The following ENOX1 variants were observed in gnomAD, a reference collection of about 807,000 sequenced individuals.
ENOX1 encodes ecto-NOX disulfide-thiol exchanger 1, also known as candidate growth-related and time keeping constitutive hydroquinone (NADH) oxidase.
A neutral mutation model predicts 82.5 loss-of-function variants in ENOX1; 42 were observed. That is an observed-to-expected ratio of 0.51 (90% CI 0.40 to 0.66). The LOEUF (loss-of-function observed/expected upper bound fraction) is 0.66. Among genes scored for constraint, ENOX1 ranks in the 30% least tolerant of loss-of-function variants. The probability of loss-of-function intolerance (pLI) is 0.00; values close to 1 mark genes in which losing one functional copy is unlikely to be tolerated. For missense variants in ENOX1, 608 were observed against 811.6 expected (o/e 0.75, Z 3.05); for synonymous variants, 271 against 282.2 (o/e 0.96, Z 0.40).
intron 5 of ENOX1, among the ~76,000 whole-genome samples, chr13:43,387,040 AT>A (rs1000753123): frequency 2.0e-5 from 3 of 152,118 alleles, no homozygotes; most frequent in African/African-American, 4.8e-5. Flanking sequence ...TTATTGAAAT[AT>A]TTTTTCCCCC....
At chr13:43,418,133 C>T (rs1030940911) in intron 3 of ENOX1, among the ~76,000 whole-genome samples, 3 of 150,720 alleles carry the variant, frequency 2.0e-5, no homozygotes, top group African/African-American at 4.9e-5. Context: ...TGCTTGAACC[C>T]GGGAGGCAGA....
chr13:43,282,201 T>C (rs540933582), intron 12 of ENOX1, among the ~76,000 whole-genome samples: 1 of 152,186 alleles, frequency 6.6e-6, no homozygotes, highest in Non-Finnish European at 1.5e-5. Flanking sequence ...TTTTCAAATG[T>C]TGAACTTACC....
intron 14 of ENOX1, 28 bp downstream of exon 14, chr13:43,265,370 G>A: frequency 6.3e-7 from 1 of 1,599,966 alleles, no homozygotes; most frequent in Non-Finnish European, 8.5e-7. Context: ...CAAGCAAGAA[G>A]AACAAATACC....
At chr13:43,716,184 G>A (rs1477495817) in intron 1 of ENOX1, among the ~76,000 whole-genome samples, 1 of 152,112 alleles carries the variant, frequency 6.6e-6, no homozygotes, top group Non-Finnish European at 1.5e-5. Flanking sequence ...CCCCATCTTT[G>A]TGGTTTTATC....
chr13:43,674,221 G>C (rs1274841563), intron 1 of ENOX1, among the ~76,000 whole-genome samples: 1 of 152,174 alleles, frequency 6.6e-6, no homozygotes, highest in African/African-American at 2.4e-5. Flanking sequence ...TAGGTACTGG[G>C]AGTACAAGCC....
chr13:43,700,271 A>G (rs1220429585), intron 1 of ENOX1, among the ~76,000 whole-genome samples: 1 of 152,192 alleles, frequency 6.6e-6, no homozygotes, highest in African/African-American at 2.4e-5. Context: ...TCAAGAAGAG[A>G]TAAATGGAAT....
intron 1 of ENOX1, among the ~76,000 whole-genome samples, chr13:43,770,406 T>C (rs1594753338): frequency 1.3e-5 from 2 of 152,266 alleles, no homozygotes; most frequent in East Asian, 1.9e-4. Flanking sequence ...AAATAGACAA[T>C]TATAAAGAAA....
intron 2 of ENOX1, among the ~76,000 whole-genome samples, chr13:43,663,026 A>G (rs2084809944): frequency 3.9e-5 from 6 of 152,212 alleles, no homozygotes; most frequent in African/African-American, 1.4e-4. Flanking sequence ...GAGCAAAGTA[A>G]CCAATTCTGT....
intron 2 of ENOX1, among the ~76,000 whole-genome samples, chr13:43,657,989 A>G (rs56051341): frequency 0.08 from 12,170 of 152,270 alleles, 639 homozygotes; most frequent in East Asian, 0.27. Context: ...AGAATATGAA[A>G]CGGTGGTGAA....
At chr13:43,589,263 G>C (rs774459559) in intron 2 of ENOX1, among the ~76,000 whole-genome samples, 2 of 146,772 alleles carry the variant, frequency 1.4e-5, no homozygotes, top group Non-Finnish European at 1.5e-5. Context: ...AGAAAGTAGT[G>C]CTGTTAAGTC....
At chr13:43,410,655 T>C (rs1209370298) in intron 5 of ENOX1, among the ~76,000 whole-genome samples, 1 of 146,140 alleles carries the variant, frequency 6.8e-6, no homozygotes, top group Non-Finnish European at 1.5e-5. Flanking sequence ...CACACACATA[T>C]TACTACAGTT....
chr13:43,592,035 G>A (rs1042063077), intron 2 of ENOX1, among the ~76,000 whole-genome samples: 2 of 151,866 alleles, frequency 1.3e-5, no homozygotes, highest in African/African-American at 2.4e-5. Context: ...GCATCCCAGA[G>A]CCCCTCTAGA....
intron 1 of ENOX1, among the ~76,000 whole-genome samples, chr13:43,736,837 T>C (rs996558176): frequency 3.3e-5 from 5 of 152,162 alleles, no homozygotes; most frequent in South Asian, 2.1e-4. Context: ...AAAACACATT[T>C]AGGTTCAAGG....
At chr13:43,274,101 T>C (rs1200448856) in intron 12 of ENOX1, among the ~76,000 whole-genome samples, 2 of 152,228 alleles carry the variant, frequency 1.3e-5, no homozygotes, top group Non-Finnish European at 2.9e-5. Flanking sequence ...TCTAAACATA[T>C]GGATACATAA....
chr13:43,273,407 C>T (rs908341525), intron 12 of ENOX1, among the ~76,000 whole-genome samples: 2 of 152,140 alleles, frequency 1.3e-5, no homozygotes, highest in Non-Finnish European at 2.9e-5. Context: ...TGTTAATTCT[C>T]TAACCCCTAT....
At chr13:43,607,532 C>A (rs1162370508) in intron 2 of ENOX1, among the ~76,000 whole-genome samples, 4 of 152,104 alleles carry the variant, frequency 2.6e-5, no homozygotes, top group Non-Finnish European at 5.9e-5. Context: ...ATATAGAAAA[C>A]CCTGGCTTGA....
At chr13:43,396,794 A>G (rs561703730) in intron 5 of ENOX1, among the ~76,000 whole-genome samples, 2 of 152,332 alleles carry the variant, frequency 1.3e-5, no homozygotes, top group Non-Finnish European at 2.9e-5. Flanking sequence ...CATTGTGCAT[A>G]TTAATGTCTT....
At chr13:43,380,082 T>C (rs1306166682) in intron 5 of ENOX1, among the ~76,000 whole-genome samples, 2 of 151,712 alleles carry the variant, frequency 1.3e-5, no homozygotes, top group East Asian at 3.8e-4. Context: ...CCTTTCAAAA[T>C]GAAAGTGACA....
chr13:43,504,153 T>C (rs1451884338), intron 2 of ENOX1, among the ~76,000 whole-genome samples: 1 of 151,674 alleles, frequency 6.6e-6, no homozygotes, highest in Non-Finnish European at 1.5e-5. Flanking sequence ...TGTTAGGCTA[T>C]TATAAAAAAT....
Sources: allele counts gnomAD v4.1 joint callset (sites outside exome capture counted in the v4.1 genomes callset), GRCh38; gene constraint gnomAD v4.1.1; transcripts MANE v1.5; gene names NCBI Gene and HGNC (gene_info 2026-07-23, HGNC 2026-07-21).